Variants in UBXN2B observed in about 807,000 individuals in gnomAD.
UBXN2B encodes the protein UBX domain protein 2B.
Under a neutral mutation model 37.5 loss-of-function variants are expected in UBXN2B, and 19 were observed. That is an observed-to-expected ratio of 0.51 (90% CI 0.35 to 0.74). UBXN2B has a LOEUF of 0.74. UBXN2B is among the 30% of genes least tolerant of loss of function. The probability of loss-of-function intolerance (pLI) is 0.01; values close to 1 mark genes in which losing one functional copy is unlikely to be tolerated. For synonymous variants in UBXN2B, 145 were observed against 143.8 expected (o/e 1.01, Z -0.06); for missense variants, 370 against 393.2 (o/e 0.94, Z 0.50).
At chr8:58,444,308 A>G (rs1808619293) in intron 6 of UBXN2B, among the ~76,000 whole-genome samples, 1 of 152,218 alleles carries the variant, frequency 6.6e-6, no homozygotes, top group South Asian at 2.1e-4. Context: ...ACTATATAAA[A>G]GCACCATTTG....
chr8:58,441,186 G>A (rs1259422293), intron 6 of UBXN2B, among the ~76,000 whole-genome samples: 1 of 151,346 alleles, frequency 6.6e-6, no homozygotes, highest in Non-Finnish European at 1.5e-5. Flanking sequence ...AGAGACACGT[G>A]TCTTACTATG....
At chr8:58,424,975 G>A (rs918660326) in intron 2 of UBXN2B, 3 of 796,182 alleles carry the variant, frequency 3.8e-6, no homozygotes, top group Non-Finnish European at 6.9e-6. Flanking sequence ...GTATGTCCCT[G>A]TCCGGCCAAT....
rs1370661508 is a variant in UBXN2B, at chr8:58,449,208, C to T, written c.*1657C>T. 1 of 152,160 alleles carries T rather than the reference C, an allele frequency of 6.6e-6. No individual in the cohort carries two copies. The highest frequency in any genetic ancestry group is 2.4e-5 in the African/African-American group (1 of 41,426). 9.4% of individuals were successfully genotyped at this position (152,160 alleles called of 1,614,324 possible). On this transcript the variant is annotated 3_prime_UTR_variant, in exon 8 of 8. Transcript: ENST00000399598. The stretch of plus-strand genomic sequence containing the variant: ...TCCATAGTAACCTTAATTACATCTG[C>T]AAAATCTCTTTTACCATCTAAGGTT...
At chr8:58,443,638 C>CAAAA (rs754470490) in intron 6 of UBXN2B, among the ~76,000 whole-genome samples, 14 of 59,572 alleles carry the variant, frequency 2.4e-4, no homozygotes, top group Non-Finnish European at 3.8e-4. Flanking sequence ...ACTAAAAATC[C>CAAAA]AAAAAAAAAA....
chr8:58,422,687 A>G (rs1988172), intron 2 of UBXN2B, among the ~76,000 whole-genome samples: 130,624 of 152,218 alleles, frequency 0.86, 56,663 homozygotes, highest in East Asian at 1. Context: ...CAAGTCTGGG[A>G]GTGCCCCAGT....
intron 5 of UBXN2B, chr8:58,434,935 G>A (rs1752252811): frequency 6.5e-7 from 1 of 1,535,448 alleles, no homozygotes; most frequent in Non-Finnish European, 8.7e-7. Context: ...ACTGCTGGCA[G>A]AAGATTTCAA....
intron 4 of UBXN2B, 36 bp from the exon 5 acceptor site, chr8:58,434,359 A>C: frequency 1.8e-6 from 1 of 542,444 alleles, no homozygotes; most frequent in Non-Finnish European, 2.6e-6. Flanking sequence ...ATATATATAT[A>C]TATATATATA....
intron 5 of UBXN2B, among the ~76,000 whole-genome samples, chr8:58,437,167 G>A (rs1808432192): frequency 6.6e-6 from 1 of 152,098 alleles, no homozygotes; most frequent in Admixed American, 6.5e-5. Context: ...TGAGTTCTCA[G>A]ATAGAAATGA....
Position 58,449,814 on chromosome 8 carries a change from T to C in UBXN2B, c.*2263T>C, listed in dbSNP as rs1253546051. 4 of 152,230 alleles carry C rather than the reference T, an allele frequency of 2.6e-5. No homozygotes were observed. The highest frequency in any genetic ancestry group is 3.8e-4 in the East Asian group (2 of 5,204). 9.4% of individuals were successfully genotyped at this position (152,230 alleles called of 1,614,324 possible). ...ACGTTTGCAGCTGAGTATCAACTTA[T>C]CAGTTTGTTCTTCTTTTATATTCTC... On this transcript the variant is annotated 3_prime_UTR_variant, in exon 8 of 8. Coordinates refer to ENST00000399598, the MANE Select transcript of UBXN2B (RefSeq NM_001077619.2).
At chr8:58,418,233 T>A (rs1807834433) in intron 2 of UBXN2B, among the ~76,000 whole-genome samples, 1 of 129,848 alleles carries the variant, frequency 7.7e-6, no homozygotes, top group South Asian at 2.6e-4. Context: ...GGAGAAGGAC[T>A]CTGTCTCCAA....
At chr8:58,422,433 T>C (rs1418047061) in intron 2 of UBXN2B, among the ~76,000 whole-genome samples, 1 of 152,190 alleles carries the variant, frequency 6.6e-6, no homozygotes, top group Non-Finnish European at 1.5e-5. Flanking sequence ...GCCACAGCAT[T>C]TTATTACCAT....
Position 58,439,679 on chromosome 8 carries a change from A to G in UBXN2B, c.580A>G (p.Asn194Asp). ...GCGCCTTGTTCATGGTGGCCAAGTG[A>G]ATTTGGATATGGAGGATCATCAGGA... ...LQRLVHGGQV[N>D]LDMEDHQDQE... Residue 194 changes from asparagine to aspartate, a missense_variant, in exon 6 of 8, where the codon AAT becomes GAT. Around this residue, in one of 3 missense-constraint regions of UBXN2B, gnomAD observed 90 missense variants for 139.4 expected, o/e 0.65. Transcript: ENST00000399598. 6.2e-7 allele frequency: 1 copy of G among 1,612,300 alleles called. No homozygotes were observed. Among genetic ancestry groups the G allele is most frequent in the Non-Finnish European group, 8.5e-7 (1 of 1,179,466 alleles).
At chr8:58,415,715 C>A (rs1807759855) in intron 1 of UBXN2B, among the ~76,000 whole-genome samples, 2 of 151,856 alleles carry the variant, frequency 1.3e-5, no homozygotes, top group South Asian at 4.1e-4. Context: ...AAATAATTTG[C>A]CCAAGATCAC....
At chr8:58,422,964 A>G (rs1807966484) in intron 2 of UBXN2B, among the ~76,000 whole-genome samples, 2 of 152,192 alleles carry the variant, frequency 1.3e-5, no homozygotes, top group South Asian at 4.1e-4. Flanking sequence ...CTGTTAGACT[A>G]GTGGCCTCCC....
At chr8:58,416,694 A>T (rs1218776863) in intron 1 of UBXN2B, among the ~76,000 whole-genome samples, 156 bp from the exon 2 acceptor site, 1 of 152,210 alleles carries the variant, frequency 6.6e-6, no homozygotes. Context: ...GAGATGCAGT[A>T]AGTTTATTTC....
chr8:58,430,812 C>CAA, intron 3 of UBXN2B, 143 bp downstream of exon 3: 1 of 685,690 alleles, frequency 1.5e-6, no homozygotes, highest in South Asian at 7.1e-5. Flanking sequence ...TATAATATTT[C>CAA]TATTAATGAT....
At chr8:58,424,682 C>G in intron 2 of UBXN2B, 1 of 1,305,774 alleles carries the variant, frequency 7.7e-7, no homozygotes, top group Non-Finnish European at 1.1e-6. Context: ...AGTTGGAGTA[C>G]AAGGCGGGGG....
chr8:58,429,021 ATATCTT>A (rs1412504328), intron 2 of UBXN2B, among the ~76,000 whole-genome samples: 2 of 152,242 alleles, frequency 1.3e-5, no homozygotes, highest in South Asian at 2.1e-4. Context: ...AGAAAATAGA[ATATCTT>A]TATGACCTTA....
chr8:58,427,088 A>G (rs1407621651), intron 2 of UBXN2B, among the ~76,000 whole-genome samples: 2 of 152,270 alleles, frequency 1.3e-5, no homozygotes, highest in African/African-American at 2.4e-5. Context: ...ACTATATAAA[A>G]TTAATGAGGA....
Sources: gnomAD v4.1 joint callset for allele counts (sites outside exome capture counted in the v4.1 genomes callset) on GRCh38, gnomAD v4.1.1 for gene constraint, gnomAD v4.1.1 regional missense constraint, MANE v1.5 for transcripts, NCBI Gene and HGNC (gene_info 2026-07-23, HGNC 2026-07-21) for gene names.